OR51E2: variants seen among roughly 807,000 people sequenced by gnomAD.
The protein encoded by OR51E2 is olfactory receptor 51E2.
OR51E2 carries 14 observed loss-of-function variants against 13.7 expected under a neutral mutation model. The observed-to-expected ratio is 1.02, with a 90% CI of 0.68 to 1.60. The LOEUF (loss-of-function observed/expected upper bound fraction) is 1.60. OR51E2 is among the 40% of genes most tolerant of loss of function. The pLI, the probability that OR51E2 is intolerant of heterozygous loss-of-function variation, is 0.00. For missense variants in OR51E2, 483 were observed against 413.8 expected (o/e 1.17, Z -1.45); for synonymous variants, 180 against 157.6 (o/e 1.14, Z -1.07).
In OR51E2 at chr11:4,682,222, G is replaced by A. The variant is rs151286283; in HGVS notation, c.490C>T (p.Arg164Trp). 1.3e-5 allele frequency: 21 copies of A among 1,614,034 alleles called. No homozygotes were observed. Among genetic ancestry groups the A allele is most frequent in the Admixed American group, 8.3e-5 (5 of 60,006 alleles). The part of the protein sequence containing the change: ...FFFPLPLLIK[R>W]LAFCHSNVLS... Reference sequence around the variant, plus strand: ...ACATTGGAGTGGCAGAAGGCCAGCCGCTTGATCAGCAGAGGCAGTGGGAAA... The same window carrying A: ...ACATTGGAGTGGCAGAAGGCCAGCCACTTGATCAGCAGAGGCAGTGGGAAA... Residue 164 changes from arginine to tryptophan, a missense_variant, in exon 2 of 2, where the codon CGG becomes TGG. By Grantham distance (101) the Arg-to-Trp change is moderately radical. Coordinates refer to ENST00000396950, the MANE Select transcript of OR51E2 (RefSeq NM_030774.4).
chr11:4,684,319 T>C (rs984248638), intron 1 of OR51E2, among the ~76,000 whole-genome samples: 9 of 152,200 alleles, frequency 5.9e-5, no homozygotes, highest in African/African-American at 1.9e-4. Context: ...AAGCAGATGA[T>C]TGCATCCTTT....
rs147309967 is a variant in OR51E2, at chr11:4,682,546, C to T, written c.166G>A (p.Ala56Thr). 29 of 1,614,066 alleles carry T rather than the reference C, an allele frequency of 1.8e-5. No individual in the cohort carries two copies. Among genetic ancestry groups the T allele is most frequent in the Middle Eastern group, 1.6e-4 (1 of 6,084 alleles). ...ATGCAGAGAAAGAGGTACATCGGAGCGTGCAGGCTGCGTTCCGTCCTTACG... is the reference window on the plus strand; with the variant it reads ...ATGCAGAGAAAGAGGTACATCGGAGTGTGCAGGCTGCGTTCCGTCCTTACG... ...FIVRTERSLH[A>T]PMYLFLCMLA... The change falls in exon 2 of 2, where the codon GCT (alanine) becomes ACT (threonine). Residue 56 changes from alanine (A) to threonine (T), a missense_variant. By Grantham distance (58) the Ala-to-Thr change is moderately conservative. Coordinates refer to ENST00000396950, the MANE Select transcript of OR51E2 (RefSeq NM_030774.4).
rs531577644 is a variant in OR51E2, at chr11:4,684,562, C to T, written c.-50-1801G>A. ...AGGGAGAGCAAGGGGAACACAGGGACGTATATTTACTTTCTTAATGCCTTT... is the reference window on the plus strand; with the variant it reads ...AGGGAGAGCAAGGGGAACACAGGGATGTATATTTACTTTCTTAATGCCTTT... On this transcript the variant is annotated intron_variant, in intron 1 of 1. Coordinates refer to ENST00000396950, the MANE Select transcript of OR51E2 (RefSeq NM_030774.4). Among the ~76,000 whole-genome samples, 6 of 152,184 alleles carry T rather than the reference C, an allele frequency of 3.9e-5. No homozygotes were observed. In the South Asian group the frequency reaches 1.0e-3, roughly 26 times the overall value.
rs1847461577 is a variant in OR51E2 at position 4,682,238 on chromosome 11, C to T, written c.474G>A (p.Leu158=). The stretch of plus-strand genomic sequence containing the variant: ...AGGCCAGCCGCTTGATCAGCAGAGG[C>T]AGTGGGAAAAAAAAGAGGGATCCGC... The part of the protein sequence containing the change: ...VVRGSLFFFP[L]PLLIKRLAFC... The change falls in exon 2 of 2, where the codon CTG becomes CTA. Residue 158 remains leucine, a synonymous_variant. Transcript: ENST00000396950. The T allele has an allele frequency of 6.2e-7, 1 of 1,613,938 alleles. No individual in the cohort carries two copies. The highest frequency in any genetic ancestry group is 8.5e-7 in the Non-Finnish European group (1 of 1,179,966).
At chr11:4,685,589 A>AGCT (rs1417117435) in intron 1 of OR51E2, among the ~76,000 whole-genome samples, 9 of 152,246 alleles carry the variant, frequency 5.9e-5, no homozygotes, top group African/African-American at 1.9e-4. Context: ...AATGTATCAA[A>AGCT]GCTGCTCTTC....
At chr11:4,685,890 T>C (rs1019104509) in intron 1 of OR51E2, 2 of 152,208 alleles carry the variant, frequency 1.3e-5, no homozygotes, top group African/African-American at 4.8e-5. Context: ...CCTTCATACT[T>C]TATTAATATT....
In OR51E2 at chr11:4,681,834, G is replaced by A. The variant is rs111384663; in HGVS notation, c.878C>T (p.Ala293Val). ...PPVINPIIYGAKTKQIRTRVL... is the reference protein window; with the variant it reads ...PPVINPIIYGVKTKQIRTRVL... ...CCGTGTTCTGATCTGTTTGGTTTTG[G>A]CACCATAGATGATGGGATTGATGAC... The change falls in exon 2 of 2, where the codon GCC becomes GTC. Residue 293 changes from alanine (A) to valine (V), a missense_variant. Physicochemically the swap from Ala to Val is moderately conservative, Grantham distance 64. Coordinates refer to ENST00000396950, the MANE Select transcript of OR51E2 (RefSeq NM_030774.4). 1.5e-4 allele frequency: 250 copies of A among 1,614,146 alleles called. 2 individuals are homozygous for A. In the African/African-American group the frequency reaches 2.9e-3, roughly 19 times the overall value.
At chr11:4,686,201 G>T (rs186733607) in intron 1 of OR51E2, among the ~76,000 whole-genome samples, 1 of 152,318 alleles carries the variant, frequency 6.6e-6, no homozygotes, top group South Asian at 2.1e-4. Flanking sequence ...ACCTGAAATG[G>T]TATGAAAGAG....
rs752200411 is a variant in OR51E2 at position 4,682,636 on chromosome 11, C to T, written c.76G>A (p.Val26Ile). 6.2e-7 allele frequency: 1 copy of T among 1,614,182 alleles called. No individual in the cohort carries two copies. ...TACATGGAAAGGAGGGGGAAGCCAA[C>T]CCAGAAATGGGCTTTCTCTAATCCT... The part of the protein sequence containing the change: ...IPGLEKAHFW[V>I]GFPLLSMYVV... The change falls in exon 2 of 2, where the codon GTT becomes ATT. Residue 26 changes from valine (V) to isoleucine (I), a missense_variant. Coordinates refer to ENST00000396950, the MANE Select transcript of OR51E2 (RefSeq NM_030774.4).
intron 1 of OR51E2, chr11:4,691,582 G>C (rs1223512534): frequency 2.2e-6 from 1 of 456,700 alleles, no homozygotes; most frequent in Non-Finnish European, 4.4e-6. Context: ...TTTCCCAAGA[G>C]AGCAGTTACA....
In OR51E2 at chr11:4,681,749, T is replaced by C. The variant is rs998838641; in HGVS notation, c.963A>G (p.Ter321TrpextTer13). The C allele has an allele frequency of 5.0e-6, 8 of 1,613,622 alleles. No homozygotes were observed. The highest frequency in any genetic ancestry group is 6.8e-6 in the Non-Finnish European group (8 of 1,179,666). Residue 321 changes from the stop codon to tryptophan (W), a stop_lost, in exon 2 of 2, where the codon TGA becomes TGG. Transcript: ENST00000396950. ...DKDLQAVGGK[*>W] ...ATAAGGAGAAGTGTAGTGTTAAGGG[T>C]CACTTGCCTCCCACAGCCTGCAAGT... is the stretch of plus-strand genomic sequence containing the variant.
chr11:4,691,416 A>G, intron 1 of OR51E2: 1 of 457,868 alleles, frequency 2.2e-6, no homozygotes, highest in Non-Finnish European at 4.4e-6. Flanking sequence ...GCAGGCATTA[A>G]AGCTGATTTC....
chr11:4,694,875 C>G (rs189379382), intron 1 of OR51E2, among the ~76,000 whole-genome samples: 1 of 151,988 alleles, frequency 6.6e-6, no homozygotes, highest in African/African-American at 2.4e-5. Flanking sequence ...AGAATGTTAA[C>G]AGAATGTATG....
chr11:4,692,949 T>G (rs567610351), intron 1 of OR51E2, among the ~76,000 whole-genome samples: 1 of 152,226 alleles, frequency 6.6e-6, no homozygotes, highest in African/African-American at 2.4e-5. Context: ...GGCCAAATAA[T>G]GAAACTATAG....
intron 1 of OR51E2, chr11:4,685,764 T>C (rs1457685138): frequency 6.6e-6 from 1 of 151,962 alleles, no homozygotes; most frequent in African/African-American, 2.4e-5. Context: ...GCAAAATAGA[T>C]AAAAAAAACT....
chr11:4,692,528 G>A (rs16931246), intron 1 of OR51E2, among the ~76,000 whole-genome samples: 7,326 of 152,206 alleles, frequency 0.048, 316 homozygotes, highest in East Asian at 0.2. Flanking sequence ...GTTTTGTTTC[G>A]GAGGGAAAAA....
In OR51E2 at chr11:4,681,968, G is replaced by A. The variant is rs778320374; in HGVS notation, c.744C>T (p.Leu248=). Residue 248 remains leucine, a synonymous_variant, in exon 2 of 2, where the codon CTC becomes CTT. Coordinates refer to ENST00000396950, the MANE Select transcript of OR51E2 (RefSeq NM_030774.4). ...GTCVSHIGVV[L]AFYVPLIGLS... is the part of the protein sequence containing the mutation. ...GGCCAATAAGTGGCACATAGAAGGC[G>A]AGTACCACACCAATGTGTGACACAC... 3.7e-5 allele frequency: 60 copies of A among 1,614,120 alleles called. 1 individual carries two copies. In the Middle Eastern group the frequency reaches 1.2e-3, roughly 31 times the overall value.
chr11:4,694,565 C>CATATAT (rs535692653), intron 1 of OR51E2, among the ~76,000 whole-genome samples: 1 of 137,310 alleles, frequency 7.3e-6, no homozygotes, highest in Non-Finnish European at 1.6e-5. Flanking sequence ...CACACACATA[C>CATATAT]ATATATATAT....
chr11:4,691,723 C>A (rs188744135), intron 1 of OR51E2: 1 of 350,602 alleles, frequency 2.9e-6, no homozygotes, highest in African/African-American at 2.2e-5. Context: ...AAGTACAGAA[C>A]GAGATGAGAG....
Sources: gnomAD v4.1 joint callset for allele counts (sites outside exome capture counted in the v4.1 genomes callset) on GRCh38, gnomAD v4.1.1 for gene constraint, MANE v1.5 for transcripts, NCBI Gene and HGNC (gene_info 2026-07-23, HGNC 2026-07-21) for gene names.